NEAT1: variants seen among roughly 807,000 people sequenced by gnomAD.
NEAT1 encodes MENepsilon/beta.
At chr11:65,441,323 TTTTA>T (rs1225117012) in exon 1 of NEAT1, 1 of 152,102 alleles carries the variant, frequency 6.6e-6, no homozygotes, top group African/African-American at 2.4e-5. Context: ...TTCTGAAAAC[TTTTA>T]TTTGTTTGTT....
At chr11:65,444,336 T>A (rs1856744782) in exon 1 of NEAT1, 1 of 422,166 alleles carries the variant, frequency 2.4e-6, no homozygotes, top group South Asian at 1.6e-5. Context: ...AGAGAGAAGT[T>A]GTGGAGAAAT....
At chr11:65,423,317 G>C (rs2134883336) in exon 1 of NEAT1, 1 of 152,542 alleles carries the variant, frequency 6.6e-6, no homozygotes, top group East Asian at 1.9e-4. Context: ...GAACCCGCCT[G>C]GGGATGAGGC....
exon 1 of NEAT1, chr11:65,424,168 C>T (rs1353955019): frequency 2.0e-5 from 3 of 152,176 alleles, no homozygotes; most frequent in Non-Finnish European, 4.4e-5. Flanking sequence ...CAGGAGGCTA[C>T]CATTTAAAGT....
chr11:65,437,225 ATACAT>A (rs1856668523), exon 1 of NEAT1: 5 of 143,120 alleles, frequency 3.5e-5, no homozygotes, highest in Non-Finnish European at 7.5e-5. Flanking sequence ...ATATATATAT[ATACAT>A]ATATATATAC....
At chr11:65,426,346 G>C (rs947195495) in exon 1 of NEAT1, 2 of 152,130 alleles carry the variant, frequency 1.3e-5, no homozygotes, top group African/African-American at 2.4e-5. Context: ...TATTAGTCAC[G>C]CATGTATGGG....
exon 1 of NEAT1, chr11:65,440,043 G>C (rs1388983774): frequency 6.6e-6 from 1 of 152,074 alleles, no homozygotes; most frequent in Admixed American, 6.6e-5. Flanking sequence ...GATCATCTGA[G>C]GCCAAGAGTT....
rs534976543 is a variant in NEAT1 at position 65,434,426 on chromosome 11, G to A, written n.11629G>A. 7.9e-5 allele frequency: 12 copies of A among 152,238 alleles called. 1 individual carries two copies. Among genetic ancestry groups the A allele is most frequent in the Admixed American group, 3.3e-4 (5 of 15,300 alleles). 9.4% of individuals were successfully genotyped at this position (152,238 alleles called of 1,614,324 possible). A position where few individuals can be genotyped will look rare whatever the true frequency, so the allele number is the denominator to read the frequency against. ...GCATGGTTTCTTTTCTATAGAAGTG[G>A]TAAAATGCTATTGTGTCCTGTACAT... On this transcript the variant is annotated non_coding_transcript_exon_variant, in exon 1 of 1. Coordinates refer to ENST00000501122, the Ensembl canonical transcript of NEAT1.
chr11:65,442,980 T>G (rs889533985), exon 1 of NEAT1: 3 of 152,272 alleles, frequency 2.0e-5, no homozygotes, highest in African/African-American at 7.2e-5. Context: ...GGAAGTGGCC[T>G]GTACGATTTC....
exon 1 of NEAT1, chr11:65,428,745 T>G (rs1856586065): frequency 6.6e-6 from 1 of 152,170 alleles, no homozygotes; most frequent in Non-Finnish European, 1.5e-5. Context: ...AGCCTGCTAG[T>G]TAGGACGACC....
exon 1 of NEAT1, chr11:65,429,629 A>G (rs1856596883): frequency 6.6e-6 from 1 of 152,030 alleles, no homozygotes; most frequent in Non-Finnish European, 1.5e-5. Flanking sequence ...ATTTTTTTCC[A>G]GTTTATAGGT....
At chr11:65,441,228 C>T (rs1317987665) in exon 1 of NEAT1, 1 of 152,206 alleles carries the variant, frequency 6.6e-6, no homozygotes, top group East Asian at 1.9e-4. Flanking sequence ...TAGACAAGTT[C>T]CCAACCCTCT....
chr11:65,425,809 C>T (rs576292250), exon 1 of NEAT1: 145 of 152,150 alleles, frequency 9.5e-4, no homozygotes, highest in African/African-American at 3.3e-3. Context: ...TTTTGCCTAT[C>T]TAGTATCTTC....
exon 1 of NEAT1, chr11:65,440,036 C>A: frequency 6.6e-6 from 1 of 152,248 alleles, no homozygotes; most frequent in South Asian, 2.1e-4. Context: ...GCAGGAGGAT[C>A]ATCTGAGGCC....
At chr11:65,444,795 C>T (rs1424371242) in exon 1 of NEAT1, 5 of 259,182 alleles carry the variant, frequency 1.9e-5, no homozygotes, top group South Asian at 1.4e-4. Context: ...CCTGTGCTTC[C>T]GACTTCATTT....
At chr11:65,424,505 CCTT>C (rs1449292612) in exon 1 of NEAT1, 1 of 152,176 alleles carries the variant, frequency 6.6e-6, no homozygotes. Context: ...TGTTTGCCTG[CCTT>C]CTTGTGCGTT....
At chr11:65,428,926 A>G (rs943182773) in exon 1 of NEAT1, 7 of 152,150 alleles carry the variant, frequency 4.6e-5, no homozygotes, top group Non-Finnish European at 1.0e-4. Context: ...TTATGGGCAC[A>G]TTTGCTTTTG....
At chr11:65,423,184 C>T in exon 1 of NEAT1, 1 of 153,498 alleles carries the variant, frequency 6.5e-6, no homozygotes, top group Non-Finnish European at 1.4e-5. Flanking sequence ...GAGGAATAGG[C>T]CGCAGCAGCC....
exon 1 of NEAT1, chr11:65,424,072 T>A: frequency 6.6e-6 from 1 of 152,544 alleles, no homozygotes. Flanking sequence ...CCTCAATTGA[T>A]GCCTGCAGAT....
exon 1 of NEAT1, chr11:65,433,694 AT>A (rs1316616196): frequency 6.6e-6 from 1 of 151,728 alleles, no homozygotes; most frequent in Non-Finnish European, 1.5e-5. Flanking sequence ...TTAACTTCTT[AT>A]AATTTTCTTT....
Sources: allele counts gnomAD v4.1 joint callset, GRCh38; gene constraint gnomAD v4.1.1; transcripts MANE v1.5; gene names NCBI Gene and HGNC (gene_info 2026-07-23, HGNC 2026-07-21).